LIPC: variants seen among roughly 807,000 people sequenced by gnomAD.
The protein encoded by LIPC is hepatic triacylglycerol lipase.
In LIPC, 44 loss-of-function variants were observed where a neutral mutation model predicts 50.7. The observed-to-expected ratio is 0.87, with a 90% CI of 0.68 to 1.11. LIPC has a LOEUF of 1.11. Ranked by LOEUF, LIPC falls within the 50% of genes most tolerant of loss-of-function variation. The pLI, the probability that LIPC is intolerant of heterozygous loss-of-function variation, is 0.00. For synonymous variants in LIPC, 271 were observed against 256.4 expected (o/e 1.06, Z -0.54); for missense variants, 697 against 648.2 (o/e 1.08, Z -0.82).
intron 1 of LIPC, among the ~76,000 whole-genome samples, chr15:58,492,504 A>AT (rs1235696030): frequency 3.9e-5 from 6 of 152,152 alleles, no homozygotes; most frequent in African/African-American, 1.4e-4. Flanking sequence ...CTATCATTGA[A>AT]TTTCGTTTTA....
At chr15:58,490,191 C>T (rs1162701497) in intron 1 of LIPC, among the ~76,000 whole-genome samples, 2 of 152,134 alleles carry the variant, frequency 1.3e-5, no homozygotes, top group African/African-American at 4.8e-5. Context: ...AGGGTTAGGA[C>T]TTAAACATGC....
At chr15:58,472,576 C>CAAAA (rs34483233) in intron 1 of LIPC, among the ~76,000 whole-genome samples, 8 of 122,600 alleles carry the variant, frequency 6.5e-5, no homozygotes, top group African/African-American at 1.8e-4. Flanking sequence ...ACTCTTGTCT[C>CAAAA]AAAAAAAAAA....
intron 5 of LIPC, among the ~76,000 whole-genome samples, chr15:58,547,471 G>C (rs1183112430): frequency 6.6e-6 from 1 of 152,220 alleles, no homozygotes; most frequent in African/African-American, 2.4e-5. Context: ...AAGGACTGCA[G>C]TGACTAATCT....
chr15:58,563,536 TC>T lies in LIPC; in HGVS notation c.1203del (p.Ile404SerfsTer10), dbSNP rs1408044368. The T allele has an allele frequency of 6.2e-7, 1 of 1,614,082 alleles. No homozygotes were observed. The highest frequency in any genetic ancestry group is 8.5e-7 in the Non-Finnish European group (1 of 1,180,038). ...AGGAATTGCTAGTAATAAAACGTAT[TC>T]CTTTCTTATCACGCTGGATGTGGAT... Reference protein sequence around the residue: ...GKGIASNKTYSFLITLDVDIG... With the variant: ...GKGIASNKTYXFLITLDVDIG... On this transcript the variant is annotated frameshift_variant, in exon 8 of 9. Transcript: ENST00000299022. LOFTEE classifies it high-confidence loss of function.
chr15:58,523,579 T>C (rs2140879312), intron 1 of LIPC, among the ~76,000 whole-genome samples: 1 of 149,852 alleles, frequency 6.7e-6, no homozygotes, highest in South Asian at 2.1e-4. Flanking sequence ...ATAGTTATCA[T>C]GGAAAGTGCA....
intron 8 of LIPC, among the ~76,000 whole-genome samples, chr15:58,568,252 A>C (rs541088255): frequency 6.6e-6 from 1 of 152,342 alleles, no homozygotes; most frequent in East Asian, 1.9e-4. Flanking sequence ...AACCGATGAC[A>C]CTGGCCTCAT....
chr15:58,473,948 A>G (rs1869136), intron 1 of LIPC: 149,879 of 152,444 alleles, frequency 0.98, 73,734 homozygotes, highest in Middle Eastern at 1. Context: ...GAAGCAAACC[A>G]GGTAAGGAAA....
intron 1 of LIPC, among the ~76,000 whole-genome samples, chr15:58,494,604 G>T (rs1211612197): frequency 2.6e-5 from 4 of 152,180 alleles, no homozygotes; most frequent in Admixed American, 2.0e-4. Context: ...ATAGTTGTGA[G>T]GACTCCTATT....
At chr15:58,439,190 A>G (rs372231250) in intron 1 of LIPC, among the ~76,000 whole-genome samples, 16 of 152,244 alleles carry the variant, frequency 1.1e-4, no homozygotes, top group African/African-American at 3.4e-4. Context: ...CAACTGTGTG[A>G]AAATACATGT....
chr15:58,516,210 T>C (rs1178136662), intron 1 of LIPC, among the ~76,000 whole-genome samples: 2 of 151,158 alleles, frequency 1.3e-5, no homozygotes, highest in East Asian at 3.9e-4. Context: ...TCACTGAGTA[T>C]GCAGTTTGAC....
At chr15:58,541,507 T>G (rs1169041063) in intron 2 of LIPC, among the ~76,000 whole-genome samples, 1 of 151,792 alleles carries the variant, frequency 6.6e-6, no homozygotes, top group African/African-American at 2.4e-5. Context: ...GGGGAACGTT[T>G]GGAAAAATCT....
intron 1 of LIPC, among the ~76,000 whole-genome samples, chr15:58,457,113 T>C (rs148520171): frequency 1.3e-5 from 2 of 152,234 alleles, no homozygotes; most frequent in East Asian, 3.9e-4. Flanking sequence ...AACATGATTT[T>C]TTTATTATTT....
intron 6 of LIPC, among the ~76,000 whole-genome samples, chr15:58,554,789 C>T (rs1893878119): frequency 6.6e-6 from 1 of 152,096 alleles, no homozygotes; most frequent in Non-Finnish European, 1.5e-5. Context: ...CAGCAGGAAC[C>T]AGTTCTCAGC....
intron 1 of LIPC, among the ~76,000 whole-genome samples, chr15:58,517,820 GACA>G (rs1411474227): frequency 6.6e-6 from 1 of 152,218 alleles, no homozygotes; most frequent in East Asian, 1.9e-4. Flanking sequence ...TTGTGATTCT[GACA>G]ACAAGCGTGT....
intron 1 of LIPC, among the ~76,000 whole-genome samples, chr15:58,475,667 C>A (rs1890970750): frequency 6.6e-6 from 1 of 152,208 alleles, no homozygotes; most frequent in Non-Finnish European, 1.5e-5. Flanking sequence ...CAGCAAACCA[C>A]TAAACCGTGA....
At chr15:58,525,107 G>A (rs1181449058) in intron 1 of LIPC, among the ~76,000 whole-genome samples, 5 of 152,022 alleles carry the variant, frequency 3.3e-5, no homozygotes, top group Non-Finnish European at 7.4e-5. Flanking sequence ...ATGATGAGAG[G>A]TATGGACCAA....
intron 1 of LIPC, among the ~76,000 whole-genome samples, chr15:58,518,827 C>T (rs1433252664): frequency 6.6e-6 from 1 of 151,776 alleles, no homozygotes; most frequent in Non-Finnish European, 1.5e-5. Context: ...CCTGGAGACA[C>T]GTTTCAGAGA....
At chr15:58,567,330 T>TATAC (rs1555408125) in intron 8 of LIPC, among the ~76,000 whole-genome samples, 4 of 20,858 alleles carry the variant, frequency 1.9e-4, no homozygotes, top group Non-Finnish European at 3.9e-4. Flanking sequence ...TGTGTATATA[T>TATAC]ATATATATGT....
Position 58,541,921 on chromosome 15 carries a change from C to A in LIPC, c.410C>A (p.Thr137Asn), listed in dbSNP as rs757450484. The change falls in exon 3 of 9, where the codon ACC (threonine) becomes AAC (asparagine). Residue 137 changes from threonine to asparagine, a missense_variant. Transcript: ENST00000299022. ...CACTACACCATCGCCGTCCGCAACA[C>A]CCGCCTTGTGGGCAAGGAGGTCGCG... ...HDHYTIAVRN[T>N]RLVGKEVAAL... 1.9e-5 allele frequency: 30 copies of A among 1,611,906 alleles called. No homozygotes were observed. The African/African-American group carries it at 2.8e-4, about 15-fold the overall frequency.
Sources: allele counts gnomAD v4.1 joint callset (sites outside exome capture counted in the v4.1 genomes callset), GRCh38; gene constraint gnomAD v4.1.1; transcripts MANE v1.5; gene names NCBI Gene and HGNC (gene_info 2026-07-23, HGNC 2026-07-21).